Variants in EYS observed in about 807,000 individuals in gnomAD.
EYS encodes protein eyes shut homolog.
In EYS, 250 loss-of-function variants were observed where a neutral mutation model predicts 282.1. The observed-to-expected ratio is 0.89, with a 90% CI of 0.80 to 0.98. The LOEUF is 0.98. Ranked by LOEUF, EYS falls within the 50% of genes least tolerant of loss-of-function variation. EYS has a pLI of 0.00. For missense variants in EYS, 4,016 were observed against 3,709.0 expected (o/e 1.08, Z -2.15); for synonymous variants, 1,355 against 1,282.9 (o/e 1.06, Z -1.20).
At chr6:64,942,760 A>G (rs936777142) in intron 15 of EYS, among the ~76,000 whole-genome samples, 2 of 149,264 alleles carry the variant, frequency 1.3e-5, no homozygotes, top group African/African-American at 5.0e-5. Context: ...CCCAGACCAG[A>G]TGGATTCACG....
intron 12 of EYS, among the ~76,000 whole-genome samples, chr6:65,189,981 G>A (rs1248335658): frequency 6.6e-6 from 1 of 151,630 alleles, no homozygotes; most frequent in African/African-American, 2.4e-5. Context: ...TCGGGCCAGA[G>A]ACAGCATGTA....
At position 64,680,103 on chromosome 6, in the gene EYS, A is replaced by G. The variant is rs143717048; in HGVS notation, c.3444-53858T>C. The stretch of plus-strand genomic sequence containing the variant: ...TGATGGAAAAAAAAACCTATTCAAT[A>G]AATAAAACAGATAGTCCCTTAAACA... On this transcript the variant is annotated intron_variant, in intron 22 of 42. Coordinates refer to ENST00000503581, the MANE Select transcript of EYS (RefSeq NM_001142800.2). 1.3e-3 allele frequency among the ~76,000 whole-genome samples: 204 copies of G among 152,330 alleles called. 2 individuals are homozygous for G. The highest frequency in any genetic ancestry group is 5.2e-3 in the East Asian group (27 of 5,182).
At chr6:64,280,770 G>C (rs767133187) in intron 30 of EYS, among the ~76,000 whole-genome samples, 2 of 152,000 alleles carry the variant, frequency 1.3e-5, no homozygotes, top group Non-Finnish European at 2.9e-5. Context: ...TAGCTCCAGG[G>C]GGCACTGCTG....
chr6:63,749,579 A>G (rs1478191177), intron 41 of EYS, among the ~76,000 whole-genome samples: 6 of 152,266 alleles, frequency 3.9e-5, no homozygotes, highest in Admixed American at 1.3e-4. Context: ...AGATGCTCCC[A>G]TTCCAAACCC....
At chr6:64,157,642 C>A (rs891293075) in intron 31 of EYS, among the ~76,000 whole-genome samples, 3 of 152,166 alleles carry the variant, frequency 2.0e-5, no homozygotes, top group Non-Finnish European at 2.9e-5. Context: ...CTGAAAGGGG[C>A]TAACATAGAG....
intron 7 of EYS, among the ~76,000 whole-genome samples, chr6:65,400,321 T>A (rs949080661): frequency 3.3e-5 from 5 of 152,006 alleles, no homozygotes; most frequent in Admixed American, 6.6e-5. Context: ...TTTTCCAAAG[T>A]ATTCACATAA....
chr6:64,088,341 T>A (rs1177540435), intron 31 of EYS, among the ~76,000 whole-genome samples: 1 of 152,074 alleles, frequency 6.6e-6, no homozygotes, highest in Non-Finnish European at 1.5e-5. Flanking sequence ...GTATACTATA[T>A]TACTTATAGT....
chr6:64,488,343 A>G (rs549975493), intron 26 of EYS, among the ~76,000 whole-genome samples: 1 of 151,032 alleles, frequency 6.6e-6, no homozygotes, highest in East Asian at 2.0e-4. Flanking sequence ...CAATCATACA[A>G]TTGCATGCTC....
At chr6:65,638,333 G>T (rs1339693010) in intron 2 of EYS, among the ~76,000 whole-genome samples, 5 of 152,084 alleles carry the variant, frequency 3.3e-5, no homozygotes, top group African/African-American at 1.2e-4. Context: ...TTTTTAAGAG[G>T]CAGGACAAGA....
intron 12 of EYS, among the ~76,000 whole-genome samples, chr6:65,183,766 GA>G (rs942691427): frequency 2.0e-5 from 3 of 151,468 alleles, no homozygotes; most frequent in Non-Finnish European, 4.4e-5. Flanking sequence ...AGACACTGAA[GA>G]AAAAAATAGG....
intron 29 of EYS, among the ~76,000 whole-genome samples, chr6:64,309,535 T>G (rs1239039024): frequency 6.6e-6 from 1 of 152,184 alleles, no homozygotes; most frequent in Non-Finnish European, 1.5e-5. Flanking sequence ...TTCGGAATAG[T>G]TATTTAGCTT....
At chr6:65,486,385 A>G (rs1167440706) in intron 5 of EYS, among the ~76,000 whole-genome samples, 1 of 152,184 alleles carries the variant, frequency 6.6e-6, no homozygotes. Context: ...CTAAGGGTGC[A>G]GGGAAGCTTT....
intron 35 of EYS, among the ~76,000 whole-genome samples, chr6:63,934,394 A>C (rs542927639): frequency 6.6e-6 from 1 of 152,150 alleles, no homozygotes; most frequent in African/African-American, 2.4e-5. Flanking sequence ...CCATCCCATT[A>C]CTGGGTATAT....
intron 24 of EYS, among the ~76,000 whole-genome samples, chr6:64,609,737 G>T (rs1767049412): frequency 6.6e-6 from 1 of 151,938 alleles, no homozygotes; most frequent in African/African-American, 2.4e-5. Context: ...ATTATAAAAA[G>T]TTAGCTGGTT....
chr6:65,429,517 T>G (rs544114338), intron 5 of EYS, among the ~76,000 whole-genome samples: 1 of 152,310 alleles, frequency 6.6e-6, no homozygotes, highest in Non-Finnish European at 1.5e-5. Flanking sequence ...ATCTGAGCCC[T>G]ACCATAGTGG....
At chr6:64,701,153 G>A (rs1055931769) in intron 22 of EYS, among the ~76,000 whole-genome samples, 3 of 152,096 alleles carry the variant, frequency 2.0e-5, no homozygotes, top group East Asian at 1.9e-4. Flanking sequence ...GGTGCTGGCC[G>A]AACTGGATTG....
At chr6:65,652,008 G>A (rs1180697062) in intron 1 of EYS, among the ~76,000 whole-genome samples, 1 of 151,724 alleles carries the variant, frequency 6.6e-6, no homozygotes, top group Non-Finnish European at 1.5e-5. Flanking sequence ...CACTTTGATG[G>A]TATTAGACAC....
At chr6:63,858,918 T>G (rs1772461291) in intron 36 of EYS, among the ~76,000 whole-genome samples, 1 of 152,066 alleles carries the variant, frequency 6.6e-6, no homozygotes, top group African/African-American at 2.4e-5. Flanking sequence ...AGGTATCATG[T>G]CCCTAAATAG....
At chr6:64,099,701 A>G (rs1772761107) in intron 31 of EYS, among the ~76,000 whole-genome samples, 1 of 152,128 alleles carries the variant, frequency 6.6e-6, no homozygotes, top group Non-Finnish European at 1.5e-5. Flanking sequence ...ACACTTAGGA[A>G]AGTTTCATGG....
Sources: gnomAD v4.1 joint callset for allele counts (sites outside exome capture counted in the v4.1 genomes callset) on GRCh38, gnomAD v4.1.1 for gene constraint, MANE v1.5 for transcripts, NCBI Gene and HGNC (gene_info 2026-07-23, HGNC 2026-07-21) for gene names.